The following EPHB1 variants were observed in gnomAD, a reference collection of about 807,000 sequenced individuals.
EPHB1 encodes EPH receptor B1.
EPHB1 carries 30 observed loss-of-function variants against 94.4 expected under a neutral mutation model. The observed-to-expected ratio is 0.32, with a 90% CI of 0.24 to 0.43. The LOEUF (loss-of-function observed/expected upper bound fraction) is 0.43. EPHB1 is among the 20% of genes least tolerant of loss of function. The probability of loss-of-function intolerance (pLI) is 1.00; values close to 1 mark genes in which losing one functional copy is unlikely to be tolerated. For synonymous variants in EPHB1, 522 were observed against 489.1 expected, an observed-to-expected ratio of 1.07 and a Z score of -0.89; for missense variants, 1,055 against 1,308.3, an observed-to-expected ratio of 0.81 and a Z score of 2.99.
chr3:134,995,350 A>G (rs780942780), intron 3 of EPHB1, among the ~76,000 whole-genome samples: 11 of 152,178 alleles, frequency 7.2e-5, no homozygotes, highest in Non-Finnish European at 1.5e-4. Context: ...GCTGAGTAGC[A>G]TTCTATGGTA....
intron 12 of EPHB1, among the ~76,000 whole-genome samples, chr3:135,235,919 G>T (rs1372394108): frequency 6.6e-6 from 1 of 152,166 alleles, no homozygotes; most frequent in African/African-American, 2.4e-5. Context: ...TTGATATAAA[G>T]TGTTGGAGCT....
chr3:135,253,923 C>G (rs1576504804), intron 15 of EPHB1, among the ~76,000 whole-genome samples: 2 of 149,920 alleles, frequency 1.3e-5, no homozygotes, highest in South Asian at 4.3e-4. Context: ...TGAAGAGGTC[C>G]TTCACATCCC....
intron 3 of EPHB1, among the ~76,000 whole-genome samples, chr3:135,018,913 C>T (rs1375432534): frequency 2.6e-5 from 4 of 152,174 alleles, no homozygotes; most frequent in Admixed American, 6.6e-5. Context: ...GAATGAGCCT[C>T]GCCAGCTGAT....
rs544358742 is a variant in EPHB1 at position 135,000,352 on chromosome 3, G to A, written c.805+48300G>A. Among the ~76,000 whole-genome samples the A allele has an allele frequency of 4.6e-5, 7 of 152,266 alleles. No homozygotes were observed. The East Asian group carries it at 1.4e-3, about 29-fold the overall frequency. On this transcript the variant is annotated intron_variant, in intron 3 of 15. Transcript: ENST00000398015. ...TCTGCCCATGAGAAGGGTACATATA[G>A]CTCAATACAGGAAACTGACAGAAAG...
intron 9 of EPHB1, among the ~76,000 whole-genome samples, chr3:135,168,085 C>T (rs1304400695): frequency 6.6e-6 from 1 of 152,214 alleles, no homozygotes; most frequent in African/African-American, 2.4e-5. Context: ...CATGAAGGAG[C>T]TTGTGTTCTA....
chr3:135,257,315 TTTCTG>T (rs1324244401), intron 15 of EPHB1, among the ~76,000 whole-genome samples: 29 of 152,190 alleles, frequency 1.9e-4, no homozygotes, highest in Non-Finnish European at 2.1e-4. Context: ...GTTTCCACCT[TTTCTG>T]TTCTGTTTTT....
chr3:134,922,946 C>T (rs545010857), intron 1 of EPHB1, among the ~76,000 whole-genome samples: 1 of 152,338 alleles, frequency 6.6e-6, no homozygotes, highest in Non-Finnish European at 1.5e-5. Context: ...CTGGCGGAGA[C>T]ATTTTAATAA....
At position 134,900,037 on chromosome 3, in the gene EPHB1, G is replaced by C. The variant is rs1049801225; in HGVS notation, c.59-25779G>C. ...AACCACTGTAGGAGAATGGACTTTG[G>C]GGCTAGATAAGACTCTGGTTAGAAG... On this transcript the variant is annotated intron_variant, in intron 1 of 15. Coordinates refer to ENST00000398015, the MANE Select transcript of EPHB1 (RefSeq NM_004441.5). 3.9e-5 allele frequency among the ~76,000 whole-genome samples: 6 copies of C among 152,288 alleles called. No homozygotes were observed. In the East Asian group the frequency reaches 9.6e-4, roughly 24 times the overall value.
chr3:135,087,647 A>G (rs1004771575), intron 3 of EPHB1, among the ~76,000 whole-genome samples: 3 of 152,160 alleles, frequency 2.0e-5, no homozygotes, highest in African/African-American at 7.2e-5. Flanking sequence ...GGATTAGGAT[A>G]TCCATGCACA....
chr3:134,866,973 C>T (rs2037393311), intron 1 of EPHB1, among the ~76,000 whole-genome samples: 1 of 151,970 alleles, frequency 6.6e-6, no homozygotes, highest in South Asian at 2.1e-4. Flanking sequence ...CTACATGGGC[C>T]AACCTCTGGT....
intron 9 of EPHB1, among the ~76,000 whole-genome samples, chr3:135,176,095 G>C (rs544887271): frequency 5.9e-5 from 9 of 152,222 alleles, no homozygotes; most frequent in Non-Finnish European, 5.9e-5. Flanking sequence ...TACTGCAGGA[G>C]GGAGGTCTAG....
At chr3:135,189,376 G>T (rs560109520) in intron 10 of EPHB1, among the ~76,000 whole-genome samples, 12 of 152,312 alleles carry the variant, frequency 7.9e-5, no homozygotes, top group Admixed American at 4.6e-4. Flanking sequence ...AGCCTGAGCG[G>T]CATGTCAGTA....
chr3:134,895,512 C>T (rs2038070455), intron 1 of EPHB1, among the ~76,000 whole-genome samples: 1 of 152,164 alleles, frequency 6.6e-6, no homozygotes, highest in Non-Finnish European at 1.5e-5. Context: ...AAGAAAGCCA[C>T]AGCTTTGAAG....
In EPHB1 at chr3:135,159,939, A is replaced by G. The variant is rs1249656339; in HGVS notation, c.1423-2079A>G. Among the ~76,000 whole-genome samples the G allele has an allele frequency of 2.6e-5, 4 of 152,062 alleles. No homozygotes were observed. The East Asian group carries it at 7.7e-4, about 29-fold the overall frequency. ...AATTCTGTTCTCACTCTCCACATTC[A>G]TCCATGTGGCTAATTTATTTCATCT... On this transcript the variant is annotated intron_variant, in intron 6 of 15. Coordinates refer to ENST00000398015, the MANE Select transcript of EPHB1 (RefSeq NM_004441.5).
chr3:134,874,277 A>T (rs1256212855), intron 1 of EPHB1, among the ~76,000 whole-genome samples: 4 of 152,218 alleles, frequency 2.6e-5, no homozygotes, highest in African/African-American at 4.8e-5. Flanking sequence ...CAGAAAGCCG[A>T]ACACCGCATG....
In EPHB1 at chr3:134,828,751, T is replaced by C. The variant is rs184455904; in HGVS notation, c.58+33062T>C. 1.8e-4 allele frequency among the ~76,000 whole-genome samples: 27 copies of C among 152,304 alleles called. 1 individual carries two copies. In the East Asian group the frequency reaches 4.8e-3, roughly 27 times the overall value. ...GCCAGGGAAGGGGTCTAATGGTGCTTCCTGGAGATGCTCAGTGAAGTCCTG... is the reference window on the plus strand; with the variant it reads ...GCCAGGGAAGGGGTCTAATGGTGCTCCCTGGAGATGCTCAGTGAAGTCCTG... On this transcript the variant is annotated intron_variant, in intron 1 of 15. Transcript: ENST00000398015.
At chr3:134,947,955 T>C (rs1052292768) in intron 2 of EPHB1, among the ~76,000 whole-genome samples, 2 of 152,080 alleles carry the variant, frequency 1.3e-5, no homozygotes, top group African/African-American at 4.8e-5. Flanking sequence ...CAATCTTGGT[T>C]AATTTATTAT....
At chr3:134,833,655 G>A (rs1213500171) in intron 1 of EPHB1, among the ~76,000 whole-genome samples, 1 of 152,204 alleles carries the variant, frequency 6.6e-6, no homozygotes, top group Non-Finnish European at 1.5e-5. Flanking sequence ...GGCAGAGTAT[G>A]CTGTGGGGCC....
intron 3 of EPHB1, among the ~76,000 whole-genome samples, chr3:135,024,999 A>C (rs946773535): frequency 1.3e-5 from 2 of 151,932 alleles, no homozygotes; most frequent in South Asian, 2.1e-4. Context: ...ACATATGTAT[A>C]ATACAAAATG....
Sources: gnomAD v4.1 joint callset for allele counts (sites outside exome capture counted in the v4.1 genomes callset) on GRCh38, gnomAD v4.1.1 for gene constraint, MANE v1.5 for transcripts, NCBI Gene and HGNC (gene_info 2026-07-23, HGNC 2026-07-21) for gene names.